The following ABTB3 variants were observed in gnomAD, a reference collection of about 807,000 sequenced individuals.
ABTB3 encodes the protein ankyrin repeat and BTB domain containing 3, also known as ankyrin repeat- and BTB/POZ domain-containing protein 3.
the ABTB3 span, chr12:107,318,853 G>C: frequency 1.4e-6 from 2 of 1,431,370 alleles, no homozygotes. Context: ...GCGCGGACTC[G>C]GCTCTCCCCG....
the ABTB3 span, among the ~76,000 whole-genome samples, chr12:107,353,972 G>A: frequency 6.6e-6 from 1 of 152,024 alleles, no homozygotes; most frequent in African/African-American, 2.4e-5. Flanking sequence ...TGCTCTAGTA[G>A]ACCAGTAGAA....
At chr12:107,433,478 G>A in the ABTB3 span, among the ~76,000 whole-genome samples, 2 of 115,940 alleles carry the variant, frequency 1.7e-5, no homozygotes, top group Non-Finnish European at 4.0e-5. Context: ...AGCTTGACAA[G>A]CAAGGTGGCC....
chr12:107,413,990 C>A, the ABTB3 span, among the ~76,000 whole-genome samples: 1 of 152,102 alleles, frequency 6.6e-6, no homozygotes, highest in Non-Finnish European at 1.5e-5. Flanking sequence ...GCCTGGGCAT[C>A]TGGGGCACAC....
the ABTB3 span, chr12:107,657,584 G>T: frequency 6.2e-7 from 1 of 1,614,180 alleles, no homozygotes; most frequent in Non-Finnish European, 8.5e-7. Context: ...CATTGAAAAC[G>T]AAGCATTCAA....
chr12:107,603,141 G>A, the ABTB3 span, among the ~76,000 whole-genome samples: 47 of 152,316 alleles, frequency 3.1e-4, no homozygotes, highest in Non-Finnish European at 5.4e-4. Flanking sequence ...TCCAGGCCAC[G>A]GAGGGACATG....
the ABTB3 span, among the ~76,000 whole-genome samples, chr12:107,656,822 A>G: frequency 6.6e-6 from 1 of 152,172 alleles, no homozygotes; most frequent in Non-Finnish European, 1.5e-5. Context: ...CTGTACCAGG[A>G]AGCTTTGTAC....
chr12:107,471,718 G>A, the ABTB3 span, among the ~76,000 whole-genome samples: 3 of 152,168 alleles, frequency 2.0e-5, no homozygotes, highest in African/African-American at 7.2e-5. Context: ...GTCAGGCAGT[G>A]TCCTCTCTAT....
chr12:107,574,937 C>T, the ABTB3 span, among the ~76,000 whole-genome samples: 6 of 152,300 alleles, frequency 3.9e-5, no homozygotes, highest in East Asian at 1.2e-3. Flanking sequence ...GTAGGGCTGT[C>T]ACTATAGTAA....
At chr12:107,378,914 C>A in the ABTB3 span, among the ~76,000 whole-genome samples, 1 of 152,278 alleles carries the variant, frequency 6.6e-6, no homozygotes, top group East Asian at 1.9e-4. Context: ...GTGAGAGCCA[C>A]CCCTGCTTTT....
At chr12:107,645,280 T>A in the ABTB3 span, among the ~76,000 whole-genome samples, 2 of 152,264 alleles carry the variant, frequency 1.3e-5, no homozygotes, top group Non-Finnish European at 2.9e-5. Context: ...AATTCACATT[T>A]CTAACAAGAA....
At chr12:107,529,049 A>G in the ABTB3 span, among the ~76,000 whole-genome samples, 2 of 144,016 alleles carry the variant, frequency 1.4e-5, no homozygotes, top group African/African-American at 5.3e-5. Context: ...ATGATGATGG[A>G]GATGATGATG....
At chr12:107,334,493 G>A in the ABTB3 span, among the ~76,000 whole-genome samples, 91 of 152,294 alleles carry the variant, frequency 6.0e-4, no homozygotes, top group African/African-American at 2.0e-3. Context: ...GGGAAATACC[G>A]TGGAAAGAGC....
At chr12:107,569,286 C>G in the ABTB3 span, among the ~76,000 whole-genome samples, 1 of 152,152 alleles carries the variant, frequency 6.6e-6, no homozygotes, top group Non-Finnish European at 1.5e-5. Flanking sequence ...TAGAATTGAT[C>G]TGTTAATTTT....
the ABTB3 span, among the ~76,000 whole-genome samples, chr12:107,555,220 C>G: frequency 6.6e-6 from 1 of 152,156 alleles, no homozygotes; most frequent in Non-Finnish European, 1.5e-5. Flanking sequence ...AAAGGTGAGG[C>G]AGGATTAGAT....
the ABTB3 span, among the ~76,000 whole-genome samples, chr12:107,469,069 T>C: frequency 6.6e-6 from 1 of 152,142 alleles, no homozygotes; most frequent in African/African-American, 2.4e-5. Flanking sequence ...AGGGCTGGGT[T>C]AAGGGATGTG....
the ABTB3 span, among the ~76,000 whole-genome samples, chr12:107,335,965 C>T: frequency 2.5e-4 from 38 of 152,278 alleles, no homozygotes; most frequent in African/African-American, 7.2e-4. Context: ...CTCTCCCTTC[C>T]TCCTCCTGCC....
At chr12:107,380,460 G>A in the ABTB3 span, among the ~76,000 whole-genome samples, 2 of 152,148 alleles carry the variant, frequency 1.3e-5, no homozygotes, top group Non-Finnish European at 2.9e-5. Flanking sequence ...TCTTGGTCAG[G>A]GAACAGGCTG....
the ABTB3 span, among the ~76,000 whole-genome samples, chr12:107,520,801 C>T: frequency 1.3e-5 from 2 of 152,178 alleles, no homozygotes; most frequent in African/African-American, 2.4e-5. Context: ...ATGCCAGTGG[C>T]GTGGGGAAGG....
the ABTB3 span, among the ~76,000 whole-genome samples, chr12:107,473,539 A>G: frequency 6.6e-6 from 1 of 152,190 alleles, no homozygotes; most frequent in Non-Finnish European, 1.5e-5. Context: ...TTTTTAATAG[A>G]GACGGGGTTT....
Sources: allele counts gnomAD v4.1 joint callset (sites outside exome capture counted in the v4.1 genomes callset), GRCh38; gene constraint gnomAD v4.1.1; transcripts MANE v1.5; gene names NCBI Gene and HGNC (gene_info 2026-07-23, HGNC 2026-07-21).